AFF1: variants seen among roughly 807,000 people sequenced by gnomAD.
AFF1 encodes the protein ALF transcription elongation factor 1.
A neutral mutation model predicts 121.7 loss-of-function variants in AFF1; 48 were observed. That is an observed-to-expected ratio of 0.39 (90% confidence interval 0.31 to 0.50). The LOEUF is 0.50. Among genes scored for constraint, AFF1 ranks in the 20% least tolerant of loss-of-function variants. The pLI, the probability that AFF1 is intolerant of heterozygous loss-of-function variation, is 0.76. For synonymous variants in AFF1, 613 were observed against 563.0 expected, an observed-to-expected ratio of 1.09 and a Z score of -1.26; for missense variants, 1,523 against 1,511.7, an observed-to-expected ratio of 1.01 and a Z score of -0.12.
chr4:87,006,521 T>C lies in AFF1; in HGVS notation c.39-39645T>C, dbSNP rs1227345087. ...AAAAAGGCGGGCTGTTTTGTAAATA[T>C]TTGTCTCTATGTAAGGAAATCAAAA... is the stretch of plus-strand genomic sequence containing the variant. On this transcript the variant is annotated intron_variant, in intron 2 of 20. Coordinates refer to ENST00000395146, the MANE Select transcript of AFF1 (RefSeq NM_001166693.3). 2.6e-5 allele frequency among the ~76,000 whole-genome samples: 4 copies of C among 152,222 alleles called. No homozygotes were observed. The South Asian group carries it at 8.3e-4, about 32-fold the overall frequency.
At chr4:86,969,315 T>C (rs1190218284) in intron 2 of AFF1, among the ~76,000 whole-genome samples, 2 of 150,854 alleles carry the variant, frequency 1.3e-5, no homozygotes, top group African/African-American at 4.9e-5. Flanking sequence ...TTGTCTCTAC[T>C]AAAAACACAA....
chr4:87,038,368 C>T (rs1729775191), intron 2 of AFF1, among the ~76,000 whole-genome samples: 2 of 152,190 alleles, frequency 1.3e-5, no homozygotes, highest in African/African-American at 4.8e-5. Context: ...GACATGGAGT[C>T]ACTTTGATTT....
chr4:87,088,275 G>A (rs200174471), intron 5 of AFF1, among the ~76,000 whole-genome samples: 2 of 152,162 alleles, frequency 1.3e-5, no homozygotes, highest in East Asian at 3.8e-4. Context: ...AGTAAACAAG[G>A]GCACGAGTTC....
chr4:87,071,138 G>T (rs1721999519), intron 4 of AFF1, among the ~76,000 whole-genome samples: 1 of 150,364 alleles, frequency 6.7e-6, no homozygotes, highest in African/African-American at 2.4e-5. Context: ...TTAGGAGGTA[G>T]TAGTTTTCCA....
intron 2 of AFF1, among the ~76,000 whole-genome samples, chr4:87,040,119 T>C (rs982263171): frequency 2.0e-5 from 3 of 152,146 alleles, no homozygotes; most frequent in Non-Finnish European, 2.9e-5. Flanking sequence ...CTCAAACCCC[T>C]GACGACCTCA....
intron 17 of AFF1, among the ~76,000 whole-genome samples, chr4:87,131,535 A>C (rs1728827256): frequency 6.6e-6 from 1 of 152,142 alleles, no homozygotes; most frequent in Non-Finnish European, 1.5e-5. Context: ...ACTTACCTAC[A>C]TTTCAACAGG....
chr4:87,081,248 G>A (rs1400104178), intron 4 of AFF1, among the ~76,000 whole-genome samples: 6 of 131,738 alleles, frequency 4.6e-5, no homozygotes, highest in Admixed American at 3.6e-4. Flanking sequence ...TGCAAGCTCC[G>A]CCTCCCAGGT....
At chr4:86,943,069 C>T (rs1246869880) in intron 1 of AFF1, among the ~76,000 whole-genome samples, 1 of 152,222 alleles carries the variant, frequency 6.6e-6, no homozygotes, top group African/African-American at 2.4e-5. Flanking sequence ...CAGTGGAGGC[C>T]TCTCTGAGAA....
At chr4:87,081,805 G>A (rs1162160851) in intron 4 of AFF1, among the ~76,000 whole-genome samples, 2 of 152,114 alleles carry the variant, frequency 1.3e-5, no homozygotes, top group Non-Finnish European at 2.9e-5. Flanking sequence ...ATTTTAAATG[G>A]GTTAAATGGT....
chr4:87,122,258 CAG>C (rs916668596), intron 12 of AFF1, among the ~76,000 whole-genome samples: 1 of 152,230 alleles, frequency 6.6e-6, no homozygotes, highest in African/African-American at 2.4e-5. Context: ...CGTTTGGTAA[CAG>C]GGTAACCTGG....
At chr4:87,084,076 G>A (rs1386388058) in intron 4 of AFF1, 44 bp from the exon 5 acceptor site, 11 of 1,589,426 alleles carry the variant, frequency 6.9e-6, no homozygotes, top group Non-Finnish European at 7.8e-6. Flanking sequence ...CATCACTCTT[G>A]ACTCTGGTTT....
chr4:86,962,691 C>T (rs1384605268), intron 2 of AFF1, among the ~76,000 whole-genome samples: 1 of 152,120 alleles, frequency 6.6e-6, no homozygotes, highest in Non-Finnish European at 1.5e-5. Flanking sequence ...ATCACGTGTT[C>T]CTGCCAACTG....
intron 7 of AFF1, among the ~76,000 whole-genome samples, 162 bp from the exon 8 acceptor site, chr4:87,094,753 G>A (rs1162565720): frequency 6.6e-6 from 1 of 152,174 alleles, no homozygotes; most frequent in African/African-American, 2.4e-5. Flanking sequence ...TCTGAACCAA[G>A]CATTCTCTCT....
At chr4:86,958,080 C>CTTT (rs67757778) in intron 2 of AFF1, among the ~76,000 whole-genome samples, 2 of 120,956 alleles carry the variant, frequency 1.7e-5, no homozygotes, top group Admixed American at 9.6e-5. Context: ...TGAACTTTTT[C>CTTT]TTTTTTTTTC....
At position 87,138,490 on chromosome 4, in the gene AFF1, GGTGTGTGTGTGTGT is replaced by G. The variant is rs35457894; in HGVS notation, c.*2808_*2821del. On this transcript the variant is annotated 3_prime_UTR_variant, in exon 21 of 21. Transcript: ENST00000395146. ...GTAAATCTTGCCTTTGGCACTACAA[GGTGTGTGTGTGTGT>G]GTGTGTGTGTGTGTGTGTCTTTAGT... The G allele has an allele frequency of 9.6e-5, 21 of 219,116 alleles. No homozygotes were observed. Among genetic ancestry groups the G allele is most frequent in the African/African-American group, 3.1e-4 (13 of 42,080 alleles). 13.6% of individuals were successfully genotyped at this position (219,116 alleles called of 1,614,324 possible).
intron 12 of AFF1, among the ~76,000 whole-genome samples, chr4:87,117,058 C>T (rs958834966): frequency 1.3e-5 from 2 of 152,130 alleles, no homozygotes; most frequent in South Asian, 4.2e-4. Context: ...GGGACAGGTA[C>T]TCACTTCTGA....
At chr4:87,122,748 A>G (rs1010504920) in intron 12 of AFF1, among the ~76,000 whole-genome samples, 3 of 152,044 alleles carry the variant, frequency 2.0e-5, no homozygotes, top group Non-Finnish European at 4.4e-5. Flanking sequence ...TCAGAACCCA[A>G]TTTTCAGATT....
chr4:86,996,278 A>G (rs1267400369), intron 2 of AFF1, among the ~76,000 whole-genome samples: 1 of 152,108 alleles, frequency 6.6e-6, no homozygotes, highest in Non-Finnish European at 1.5e-5. Flanking sequence ...TTTGTGGAAT[A>G]GAAAGGGGGG....
At chr4:86,971,345 A>C (rs1271412848) in intron 2 of AFF1, among the ~76,000 whole-genome samples, 1 of 152,130 alleles carries the variant, frequency 6.6e-6, no homozygotes, top group African/African-American at 2.4e-5. Context: ...AGTTATTGTG[A>C]CTGATCTCAG....
Sources: gnomAD v4.1 joint callset for allele counts (sites outside exome capture counted in the v4.1 genomes callset) on GRCh38, gnomAD v4.1.1 for gene constraint, MANE v1.5 for transcripts, NCBI Gene and HGNC (gene_info 2026-07-23, HGNC 2026-07-21) for gene names.